FHAD1: variants seen among roughly 807,000 people sequenced by gnomAD.
The protein encoded by FHAD1 is forkhead-associated domain-containing protein 1.
FHAD1 carries 146 observed loss-of-function variants against 191.3 expected under a neutral mutation model. The observed-to-expected ratio is 0.76, with a 90% CI of 0.67 to 0.88. FHAD1 has a LOEUF of 0.88. Ranked by LOEUF, FHAD1 falls within the 40% of genes least tolerant of loss-of-function variation. The probability of loss-of-function intolerance (pLI) is 0.00; values close to 1 mark genes in which losing one functional copy is unlikely to be tolerated. For synonymous variants in FHAD1, 616 were observed against 672.3 expected (o/e 0.92, Z 1.29); for missense variants, 1,635 against 1,785.8 (o/e 0.92, Z 1.52).
chr1:15,243,847 C>G (rs1405132038), upstream of FHAD1, among the ~76,000 whole-genome samples: 1 of 152,178 alleles, frequency 6.6e-6, no homozygotes, highest in Non-Finnish European at 1.5e-5. Context: ...CAGCTGTCAC[C>G]TGTAGTTCCC....
intron 27 of FHAD1, among the ~76,000 whole-genome samples, chr1:15,374,881 CAG>C (rs1319894880): frequency 1.7e-4 from 22 of 132,696 alleles, no homozygotes; most frequent in African/African-American, 6.4e-4. Flanking sequence ...TTTTTTGAGA[CAG>C]AGTCTCGCTC....
At chr1:15,284,892 A>G (rs1661888369) in intron 3 of FHAD1, among the ~76,000 whole-genome samples, 2 of 152,112 alleles carry the variant, frequency 1.3e-5, no homozygotes, top group Non-Finnish European at 1.5e-5. Flanking sequence ...ACCACGCCAC[A>G]CACCATATGG....
rs1473365654 is a variant in FHAD1, at chr1:15,367,474, G to A, written c.3166G>A (p.Glu1056Lys). 13 of 1,551,176 alleles carry A rather than the reference G, an allele frequency of 8.4e-6. No homozygotes were observed. Among genetic ancestry groups the A allele is most frequent in the South Asian group, 6.0e-5 (5 of 84,032 alleles). ...CCTGTCACTCGCAGGGGAGCTAAAC[G>A]AGAAGCAGAAGATGGAACTGGAGCA... ...RMSDLRGELN[E>K]KQKMELEQNV... Residue 1056 changes from glutamate (E) to lysine (K), a missense_variant, in exon 25 of 34, where the codon GAG (glutamate) becomes AAG (lysine). By Grantham distance (56) the Glu-to-Lys change is moderately conservative (BLOSUM62 1). Transcript: ENST00000688493.
At chr1:15,237,252 G>A (rs1644882246) in intron 1 of FHAD1, among the ~76,000 whole-genome samples, 1 of 152,208 alleles carries the variant, frequency 6.6e-6, no homozygotes, top group African/African-American at 2.4e-5. Context: ...AACACACTGT[G>A]AAAGCCAAAG....
Position 15,341,747 on chromosome 1 carries a change from C to G in FHAD1, c.1989C>G (p.Asn663Lys). The G allele has an allele frequency of 6.4e-7, 1 of 1,550,438 alleles. No individual in the cohort carries two copies. The highest frequency in any genetic ancestry group is 1.2e-5 in the South Asian group (1 of 83,706). Reference sequence around the variant, plus strand: ...TTCTCACATTTCAGATCAAGTTCAACAGTTCTCAGGAAACTCAGCAGTCTT... The same window carrying G: ...TTCTCACATTTCAGATCAAGTTCAAGAGTTCTCAGGAAACTCAGCAGTCTT... The part of the protein sequence containing the change: ...SQAQELQIKF[N>K]SSQETQQSLL... Residue 663 changes from asparagine (N) to lysine (K), a missense_variant, in exon 16 of 34, where the codon AAC becomes AAG. By Grantham distance (94) the Asn-to-Lys change is moderately conservative (BLOSUM62 0). Transcript: ENST00000688493.
chr1:15,328,683 TC>T, intron 13 of FHAD1: 1 of 344,050 alleles, frequency 2.9e-6, no homozygotes. Context: ...GCGGCCCGCA[TC>T]CCCAGCCAAA....
At chr1:15,251,745 A>G (rs746530972) in intron 1 of FHAD1, 26 bp from the exon 2 acceptor site, 150 of 1,509,222 alleles carry the variant, frequency 9.9e-5, no homozygotes, top group Non-Finnish European at 1.2e-4. Context: ...TTTTCTAACA[A>G]AATTCTTTCT....
At chr1:15,335,934 G>A (rs151073626) in intron 14 of FHAD1, among the ~76,000 whole-genome samples, 1 of 152,152 alleles carries the variant, frequency 6.6e-6, no homozygotes, top group East Asian at 1.9e-4. Flanking sequence ...TGGGTCACAC[G>A]TTGCAGCCGA....
At position 15,328,242 on chromosome 1, in the gene FHAD1, TTTTTTTTTTTTTTCC is replaced by T. The variant is rs1237923147; in HGVS notation, c.1558-29_1558-15del. 5 of 391,362 alleles carry T rather than the reference TTTTTTTTTTTTTTCC, an allele frequency of 1.3e-5. No individual in the cohort carries two copies. Among genetic ancestry groups the T allele is most frequent in the Non-Finnish European group, 1.7e-5 (5 of 294,866 alleles). The allele number at this position is 391,362 out of a possible 1,614,324, so 24.2% of individuals were successfully genotyped here. A position where few individuals can be genotyped will look rare whatever the true frequency, so the allele number is the denominator to read the frequency against. The stretch of plus-strand genomic sequence containing the variant: ...GCCCCCCACCCCTGTATGTTACATC[TTTTTTTTTTTTTTCC>T]TTTTTCTTTTTCTCACCAGTTAATA... On this transcript the variant is annotated intron_variant, in intron 12 of 33. Transcript: ENST00000688493.
At chr1:15,401,055 T>G (rs1707113680), downstream of FHAD1, among the ~76,000 whole-genome samples, 1 of 152,214 alleles carries the variant, frequency 6.6e-6, no homozygotes, top group South Asian at 2.1e-4. Flanking sequence ...CCCTTCCTTG[T>G]GAAGGCCAGT....
downstream of FHAD1, among the ~76,000 whole-genome samples, chr1:15,402,276 A>G (rs932438845): frequency 1.3e-5 from 2 of 152,238 alleles, no homozygotes; most frequent in African/African-American, 4.8e-5. Context: ...TTAACTGAAA[A>G]GGAAGTTGGA....
chr1:15,259,824 G>A (rs1035076579), intron 2 of FHAD1, among the ~76,000 whole-genome samples: 3 of 152,152 alleles, frequency 2.0e-5, no homozygotes, highest in African/African-American at 4.8e-5. Flanking sequence ...AGCTGGAGCT[G>A]CCTCTTACAA....
At chr1:15,255,527 G>A (rs7535266) in intron 2 of FHAD1, among the ~76,000 whole-genome samples, 84,448 of 151,836 alleles carry the variant, frequency 0.56, 24,107 homozygotes, top group Admixed American at 0.64. Flanking sequence ...GGTTTTTGCC[G>A]TTATTATCAC....
At chr1:15,285,627 GC>G (rs1662168856) in intron 3 of FHAD1, among the ~76,000 whole-genome samples, 1 of 152,078 alleles carries the variant, frequency 6.6e-6, no homozygotes, top group South Asian at 2.1e-4. Flanking sequence ...TCATGCACTG[GC>G]CCCTTTAGAG....
In FHAD1 at chr1:15,360,391, GCA is replaced by G; in HGVS notation, c.2737-85_2737-84del. On this transcript the variant is annotated intron_variant, in intron 21 of 33. Coordinates refer to ENST00000688493, the MANE Select transcript of FHAD1 (RefSeq NM_001391957.1). ...AGGCCCTGGGGTGGGGCCCAGTTTA[GCA>G]CCTATGTGTGTGCCCAGGGGGCATA... The G allele has an allele frequency of 2.5e-6, 3 of 1,205,112 alleles. No homozygotes were observed. In the South Asian group the frequency reaches 4.1e-5, roughly 17 times the overall value. The allele number at this position is 1,205,112 out of a possible 1,614,324, so 74.7% of individuals were successfully genotyped here. A position where few individuals can be genotyped will look rare whatever the true frequency, so the allele number is the denominator to read the frequency against.
intron 10 of FHAD1, among the ~76,000 whole-genome samples, chr1:15,323,927 G>A (rs1003530300): frequency 6.6e-6 from 1 of 152,144 alleles, no homozygotes; most frequent in Non-Finnish European, 1.5e-5. Flanking sequence ...AATAAACCCA[G>A]CAGTTAACAT....
chr1:15,262,382 C>G (rs1651494010), intron 2 of FHAD1, among the ~76,000 whole-genome samples: 1 of 152,146 alleles, frequency 6.6e-6, no homozygotes, highest in Non-Finnish European at 1.5e-5. Context: ...TCTCTGTTTA[C>G]AGATGAGGAA....
chr1:15,315,946 C>T (rs922335467), intron 8 of FHAD1, among the ~76,000 whole-genome samples: 6 of 152,166 alleles, frequency 3.9e-5, no homozygotes, highest in Non-Finnish European at 8.8e-5. Flanking sequence ...TGCCCGTTGC[C>T]AAATTGCCCT....
At chr1:15,343,702 A>G (rs1398667160) in intron 16 of FHAD1, 1 of 152,252 alleles carries the variant, frequency 6.6e-6, no homozygotes, top group African/African-American at 2.4e-5. Context: ...CAAGATGGGC[A>G]CATTTTGAAG....
Sources: gnomAD v4.1 joint callset for allele counts (sites outside exome capture counted in the v4.1 genomes callset) on GRCh38, gnomAD v4.1.1 for gene constraint, MANE v1.5 for transcripts, NCBI Gene and HGNC (gene_info 2026-07-23, HGNC 2026-07-21) for gene names.